ABCD2: variants seen among roughly 807,000 people sequenced by gnomAD.
ABCD2 encodes the protein ATP binding cassette subfamily D member 2.
In ABCD2, 36 loss-of-function variants were observed where a neutral mutation model predicts 70.9. The ratio of observed to expected loss-of-function variants is 0.51; its 90% CI spans 0.39 to 0.67. The LOEUF (loss-of-function observed/expected upper bound fraction) is 0.67. Among genes scored for constraint, ABCD2 ranks in the 30% least tolerant of loss-of-function variants. ABCD2 has a pLI of 0.00. For missense variants in ABCD2, 729 were observed against 890.2 expected, an observed-to-expected ratio of 0.82 and a Z score of 2.30; for synonymous variants, 304 against 306.9, an observed-to-expected ratio of 0.99 and a Z score of 0.10.
downstream of ABCD2, among the ~76,000 whole-genome samples, chr12:39,546,399 C>T (rs1206827379): frequency 6.6e-6 from 1 of 152,006 alleles, no homozygotes; most frequent in South Asian, 2.1e-4. Context: ...GTTCTAGGTG[C>T]CATGAATACT....
chr12:39,573,332 G>A (rs11172661), intron 9 of ABCD2, among the ~76,000 whole-genome samples: 50,727 of 151,822 alleles, frequency 0.33, 10,539 homozygotes, highest in African/African-American at 0.59. Flanking sequence ...CTTTGGGGGA[G>A]TATCAAGTTG....
chr12:39,615,282 A>G (rs1942100661), intron 2 of ABCD2, among the ~76,000 whole-genome samples: 1 of 152,012 alleles, frequency 6.6e-6, no homozygotes, highest in Non-Finnish European at 1.5e-5. Context: ...TGTCTCTAAT[A>G]TACATTATAT....
At position 39,618,873 on chromosome 12, in the gene ABCD2, G is replaced by T; in HGVS notation, c.743C>A (p.Ser248Tyr). ...GGGCCCAATTGGGCTTGCTCCTCTG[G>T]ATGTAGCAGTTTGAATGAGTGTATA... ...TSYTLIQTAT[S>Y]RGASPIGPTL... The change falls in exon 1 of 10, where the codon TCC becomes TAC. Residue 248 changes from serine (S) to tyrosine (Y), a missense_variant. Ser to Tyr is a moderately radical substitution (Grantham distance 144, BLOSUM62 -2). Transcript: ENST00000308666. 6.2e-7 allele frequency: 1 copy of T among 1,614,192 alleles called. No homozygotes were observed. Among genetic ancestry groups the T allele is most frequent in the Middle Eastern group, 1.6e-4 (1 of 6,062 alleles).
intron 9 of ABCD2, among the ~76,000 whole-genome samples, chr12:39,560,399 C>A (rs1422720631): frequency 6.6e-6 from 1 of 152,126 alleles, no homozygotes; most frequent in South Asian, 2.1e-4. Flanking sequence ...TTTTCTTAAT[C>A]CAGTCTATCA....
At chr12:39,612,644 C>T (rs938672166) in intron 2 of ABCD2, among the ~76,000 whole-genome samples, 1 of 152,014 alleles carries the variant, frequency 6.6e-6, no homozygotes, top group Admixed American at 6.6e-5. Flanking sequence ...TTATGCATAC[C>T]TAATTAGAGT....
intron 7 of ABCD2, 96 bp from the exon 8 acceptor site, chr12:39,579,715 T>A (rs867292751): frequency 2.1e-6 from 2 of 943,720 alleles, no homozygotes; most frequent in Middle Eastern, 5.1e-4. Context: ...ATTCAAATTG[T>A]CAACATGAAG....
intron 9 of ABCD2, among the ~76,000 whole-genome samples, chr12:39,565,124 T>G (rs1941324741): frequency 6.6e-6 from 1 of 152,194 alleles, no homozygotes; most frequent in South Asian, 2.1e-4. Flanking sequence ...TCTTTTTTGG[T>G]TCCATATGAA....
In ABCD2 at chr12:39,609,592, CCTT is replaced by C. The variant is rs561036443; in HGVS notation, c.1121-1881_1121-1879del. On this transcript the variant is annotated intron_variant, in intron 2 of 9. Transcript: ENST00000308666. ...TCATCAATTTGATTCTCTAGCTGGT[CCTT>C]CTATACATTATCTTCAAATTTCCAA... 4.9e-3 allele frequency among the ~76,000 whole-genome samples: 738 copies of C among 152,148 alleles called. 3 individuals are homozygous for C. The highest frequency in any genetic ancestry group is 8.3e-3 in the Non-Finnish European group (564 of 68,002).
chr12:39,532,818 T>C, the ABCD2 span, among the ~76,000 whole-genome samples: 1 of 151,980 alleles, frequency 6.6e-6, no homozygotes, highest in African/African-American at 2.4e-5. Flanking sequence ...AGTTACAGAA[T>C]TATGTGGAGT....
chr12:39,593,916 T>C (rs1436355391), intron 6 of ABCD2, among the ~76,000 whole-genome samples: 4 of 152,184 alleles, frequency 2.6e-5, no homozygotes, highest in African/African-American at 4.8e-5. Context: ...TGAAAATGAA[T>C]TGAACACCAA....
chr12:39,586,272 G>A lies in ABCD2; in HGVS notation c.1672C>T (p.Arg558Trp), dbSNP rs1328840526. The A allele has an allele frequency of 4.3e-6, 7 of 1,612,536 alleles. No individual in the cohort carries two copies. Among genetic ancestry groups the A allele is most frequent in the African/African-American group, 2.7e-5 (2 of 74,826 alleles). The change falls in exon 7 of 10, where the codon CGG becomes TGG. Residue 558 changes from arginine (R) to tryptophan (W), a missense_variant. Arg to Trp is a moderately radical substitution (Grantham distance 101). Coordinates refer to ENST00000308666, the MANE Select transcript of ABCD2 (RefSeq NM_005164.4). Reference protein sequence around the residue: ...QRPYMSLGSLRDQVIYPDSVD... With the variant: ...QRPYMSLGSLWDQVIYPDSVD... ...GAATCAGGGTAAATGACTTGATCCCGAAGACTTCCAAGAGACATATATGGC... is the reference window on the plus strand; with the variant it reads ...GAATCAGGGTAAATGACTTGATCCCAAAGACTTCCAAGAGACATATATGGC...
chr12:39,591,837 T>C (rs1230376647), intron 6 of ABCD2, among the ~76,000 whole-genome samples: 1 of 152,204 alleles, frequency 6.6e-6, no homozygotes, highest in African/African-American at 2.4e-5. Context: ...ACCATTTAAA[T>C]TGCTGATATT....
chr12:39,544,692 T>C, the ABCD2 span, among the ~76,000 whole-genome samples: 1 of 152,084 alleles, frequency 6.6e-6, no homozygotes, highest in Non-Finnish European at 1.5e-5. Flanking sequence ...ATTATGAAGA[T>C]AGGAAAAGGC....
rs1027359964 is a variant in ABCD2 at position 39,600,823 on chromosome 12, A to T, written c.1501-107T>A. On this transcript the variant is annotated intron_variant, in intron 5 of 9. Transcript: ENST00000308666. ...AAAATGTTCGAAAACATGATAACCT[A>T]GGTTGGGCAAAAGATCAAGGAAAAA... The T allele has an allele frequency of 7.8e-6, 8 of 1,029,608 alleles. No individual in the cohort carries two copies. The African/African-American group carries it at 1.3e-4, about 17-fold the overall frequency. The allele number at this position is 1,029,608 out of a possible 1,614,324, so 63.8% of individuals were successfully genotyped here.
chr12:39,534,530 G>A, the ABCD2 span, among the ~76,000 whole-genome samples: 2 of 152,012 alleles, frequency 1.3e-5, no homozygotes, highest in Middle Eastern at 6.8e-3. Context: ...ATTGACTCTA[G>A]GCCGGGCATG....
Position 39,610,439 on chromosome 12 carries a change from T to C in ABCD2, c.1121-2725A>G, listed in dbSNP as rs113521390. Among the ~76,000 whole-genome samples the C allele has an allele frequency of 3.2e-3, 493 of 152,290 alleles. 5 individuals carry two copies. Among genetic ancestry groups the C allele is most frequent in the African/African-American group, 0.011 (447 of 41,556 alleles). On this transcript the variant is annotated intron_variant, in intron 2 of 9. Transcript: ENST00000308666. ...ACATAAATAGACTGGGAACAGAATA[T>C]AGATATTCTTAAAGACATGTAAATG...
Position 39,573,755 on chromosome 12 carries a change from C to T in ABCD2, c.1964G>A (p.Gly655Glu). ...GTGTGTTATAGACAGTAAGGAAATT[C>T]CAGCCCCTTTTGCAGCCTGAAATAT... is the stretch of plus-strand genomic sequence containing the variant. ...GKIFQAAKGAGISLLSITHRP... is the reference protein window; with the variant it reads ...GKIFQAAKGAEISLLSITHRP... The change falls in exon 9 of 10, where the codon GGA (glycine) becomes GAA (glutamate). Residue 655 changes from glycine (G) to glutamate (E), a missense_variant. Physicochemically the swap from Gly to Glu is moderately conservative, Grantham distance 98 (BLOSUM62 -2). Transcript: ENST00000308666. The T allele has an allele frequency of 1.2e-6, 2 of 1,613,366 alleles. No individual in the cohort carries two copies. Among genetic ancestry groups the T allele is most frequent in the South Asian group, 2.2e-5 (2 of 91,044 alleles).
intron 8 of ABCD2, among the ~76,000 whole-genome samples, chr12:39,578,473 CA>C (rs397850133): frequency 0.22 from 15,040 of 67,096 alleles, 1,040 homozygotes; most frequent in East Asian, 0.55. Flanking sequence ...GACTCCGTCT[CA>C]AAAAAAAAAA....
chr12:39,595,060 TG>T (rs1941798157), intron 6 of ABCD2, among the ~76,000 whole-genome samples: 1 of 151,894 alleles, frequency 6.6e-6, no homozygotes. Flanking sequence ...AGTGACACTC[TG>T]TTTCAAAAAA....
Sources: allele counts gnomAD v4.1 joint callset (sites outside exome capture counted in the v4.1 genomes callset), GRCh38; gene constraint gnomAD v4.1.1; transcripts MANE v1.5; gene names NCBI Gene and HGNC (gene_info 2026-07-23, HGNC 2026-07-21).